Variants in SORCS3 observed in about 807,000 individuals in gnomAD.
The protein encoded by SORCS3 is VPS10 domain-containing receptor SorCS3.
SORCS3 carries 57 observed loss-of-function variants against 146.3 expected under a neutral mutation model. The ratio of observed to expected loss-of-function variants is 0.39; its 90% CI spans 0.31 to 0.49. The LOEUF is 0.49. SORCS3 is among the 20% of genes least tolerant of loss of function. The pLI is 0.92. For synonymous variants in SORCS3, 653 were observed against 618.5 expected (o/e 1.06, Z -0.83); for missense variants, 1,341 against 1,575.5 (o/e 0.85, Z 2.52).
rs1163237794 is a variant in SORCS3, at chr10:105,139,416, C to T, written c.1232C>T (p.Ala411Val). 1.9e-6 allele frequency: 3 copies of T among 1,613,426 alleles called. No individual in the cohort carries two copies. Among genetic ancestry groups the T allele is most frequent in the Admixed American group, 1.7e-5 (1 of 60,010 alleles). The change falls in exon 8 of 27, where the codon GCC (alanine) becomes GTC (valine). Residue 411 changes from alanine (A) to valine (V), a missense_variant. Physicochemically the swap from Ala to Val is moderately conservative, Grantham distance 64. Coordinates refer to ENST00000369701, the MANE Select transcript of SORCS3 (RefSeq NM_014978.3). ...ATCTAGGTAACAACTAGTGGAAGAG[C>T]CAGCTACTACGTGTCTTATCGAAGA... The part of the protein sequence containing the change: ...IFIQVTTSGR[A>V]SYYVSYRREA...
At chr10:104,812,934 A>G (rs1258819716) in intron 1 of SORCS3, among the ~76,000 whole-genome samples, 1 of 152,224 alleles carries the variant, frequency 6.6e-6, no homozygotes, top group Non-Finnish European at 1.5e-5. Flanking sequence ...ATCAGAATGT[A>G]GAGCCCACCT....
At chr10:105,003,809 C>T (rs1444068211) in intron 4 of SORCS3, among the ~76,000 whole-genome samples, 1 of 152,002 alleles carries the variant, frequency 6.6e-6, no homozygotes, top group African/African-American at 2.4e-5. Flanking sequence ...ATGTTTATGC[C>T]AACAGTTCAG....
intron 9 of SORCS3, among the ~76,000 whole-genome samples, chr10:105,154,420 C>T (rs867230854): frequency 1.2e-4 from 19 of 152,328 alleles, no homozygotes; most frequent in Middle Eastern, 6.8e-3. Context: ...CTCAGCATTC[C>T]GCCAAGGGGC....
chr10:104,892,198 A>G (rs1174190690), intron 2 of SORCS3, among the ~76,000 whole-genome samples: 1 of 152,204 alleles, frequency 6.6e-6, no homozygotes, highest in Non-Finnish European at 1.5e-5. Context: ...GATTGTAAGT[A>G]TACTAATAAC....
intron 13 of SORCS3, among the ~76,000 whole-genome samples, chr10:105,172,504 C>G (rs1417692866): frequency 2.0e-5 from 3 of 152,184 alleles, no homozygotes; most frequent in African/African-American, 7.2e-5. Flanking sequence ...TTCCACCTAT[C>G]TAACTACATT....
intron 20 of SORCS3, among the ~76,000 whole-genome samples, chr10:105,233,373 T>G (rs2056775572): frequency 1.3e-5 from 2 of 152,180 alleles, no homozygotes; most frequent in South Asian, 4.1e-4. Flanking sequence ...GAACAAATTT[T>G]TTTTCTGTTA....
intron 24 of SORCS3, 117 bp from the exon 25 acceptor site, chr10:105,256,702 G>A (rs2056933446): frequency 2.8e-6 from 2 of 720,946 alleles, no homozygotes; most frequent in Non-Finnish European, 4.7e-6. Flanking sequence ...AGGGGAATTG[G>A]AGACTAGACA....
chr10:104,743,214 C>T (rs1039708871), intron 1 of SORCS3, among the ~76,000 whole-genome samples: 1 of 152,106 alleles, frequency 6.6e-6, no homozygotes, highest in Admixed American at 6.5e-5. Flanking sequence ...TCTGCAGCTT[C>T]CAGTAAGTGC....
At chr10:104,759,540 G>T (rs2017095983) in intron 1 of SORCS3, among the ~76,000 whole-genome samples, 1 of 152,160 alleles carries the variant, frequency 6.6e-6, no homozygotes, top group South Asian at 2.1e-4. Context: ...TTGCGTGAAG[G>T]TTACTTTAGT....
At chr10:105,185,040 T>C (rs886725653) in intron 14 of SORCS3, among the ~76,000 whole-genome samples, 3 of 152,350 alleles carry the variant, frequency 2.0e-5, no homozygotes, top group Middle Eastern at 3.4e-3. Flanking sequence ...TTAGATACCT[T>C]ATGTAAGTAA....
At chr10:104,879,192 A>G (rs1431794136) in intron 2 of SORCS3, among the ~76,000 whole-genome samples, 2 of 152,198 alleles carry the variant, frequency 1.3e-5, no homozygotes, top group African/African-American at 2.4e-5. Context: ...GCAGTTTTGT[A>G]AGTTAGAAGT....
rs766259560 is a variant in SORCS3, at chr10:105,043,008, C to T, written c.955-47C>T. ...CAGGGAAAACATCTGTATTCATGCC[C>T]AGCAGTGGTTCCTTGAGACTTACAT... On this transcript the variant is annotated intron_variant, in intron 4 of 26. Transcript: ENST00000369701. 2.0e-6 allele frequency: 3 copies of T among 1,535,764 alleles called. No homozygotes were observed. The South Asian group carries it at 3.4e-5, about 17-fold the overall frequency.
chr10:104,769,694 A>G (rs534719587), intron 1 of SORCS3, among the ~76,000 whole-genome samples: 3 of 152,184 alleles, frequency 2.0e-5, no homozygotes, highest in South Asian at 2.1e-4. Context: ...AGCCAGGGAC[A>G]TTTAGCTGCT....
At chr10:105,039,352 T>C (rs1353744104) in intron 4 of SORCS3, among the ~76,000 whole-genome samples, 1 of 151,696 alleles carries the variant, frequency 6.6e-6, no homozygotes, top group Non-Finnish European at 1.5e-5. Flanking sequence ...TTTTTTTCCA[T>C]CAGTCAAACT....
chr10:104,822,182 C>T, intron 1 of SORCS3: 1 of 480,516 alleles, frequency 2.1e-6, no homozygotes, highest in Non-Finnish European at 4.1e-6. Flanking sequence ...GGTCTCAGAA[C>T]TGAGGCCTTA....
Position 104,848,177 on chromosome 10 carries a change from G to A in SORCS3, c.695+5318G>A, listed in dbSNP as rs552308522. Among the ~76,000 whole-genome samples the A allele has an allele frequency of 7.7e-4, 117 of 152,196 alleles. 1 individual carries two copies. The highest frequency in any genetic ancestry group is 3.4e-3 in the Middle Eastern group (1 of 294). Reference sequence around the variant, plus strand: ...CCAAACCAATCCCAGCACCAGCCCCGCCTTGCCGTGTCCCTTTCCATGTAT... The same window carrying A: ...CCAAACCAATCCCAGCACCAGCCCCACCTTGCCGTGTCCCTTTCCATGTAT... On this transcript the variant is annotated intron_variant, in intron 2 of 26. Coordinates refer to ENST00000369701, the MANE Select transcript of SORCS3 (RefSeq NM_014978.3).
chr10:104,713,554 G>C (rs1042676886), intron 1 of SORCS3, among the ~76,000 whole-genome samples: 1 of 152,122 alleles, frequency 6.6e-6, no homozygotes, highest in African/African-American at 2.4e-5. Flanking sequence ...TGATGTGATC[G>C]CAGGGTTTTT....
intron 20 of SORCS3, among the ~76,000 whole-genome samples, chr10:105,240,567 T>C (rs892446582): frequency 6.6e-6 from 1 of 152,230 alleles, no homozygotes; most frequent in East Asian, 1.9e-4. Flanking sequence ...GCTTTATTCA[T>C]TTCAAAGTAA....
chr10:104,841,268 G>A (rs1284123808), intron 1 of SORCS3, among the ~76,000 whole-genome samples: 1 of 152,206 alleles, frequency 6.6e-6, no homozygotes, highest in Non-Finnish European at 1.5e-5. Context: ...ACTCCTTGCT[G>A]TTGTGCTGTG....
Sources: gnomAD v4.1 joint callset for allele counts (sites outside exome capture counted in the v4.1 genomes callset) on GRCh38, gnomAD v4.1.1 for gene constraint, MANE v1.5 for transcripts, NCBI Gene and HGNC (gene_info 2026-07-23, HGNC 2026-07-21) for gene names.